Variants in APBA1 observed in about 807,000 individuals in gnomAD.
APBA1 encodes the protein amyloid-beta A4 precursor protein-binding family A member 1.
Under a neutral mutation model 86.6 loss-of-function variants are expected in APBA1, and 55 were observed. The ratio of observed to expected loss-of-function variants is 0.64; its 90% CI spans 0.51 to 0.80. The LOEUF (loss-of-function observed/expected upper bound fraction) is 0.80, where lower values mean the gene tolerates loss of function less well. APBA1 is among the 30% of genes least tolerant of loss of function. The pLI, the probability that APBA1 is intolerant of heterozygous loss-of-function variation, is 0.00. For synonymous variants in APBA1, 511 were observed against 493.9 expected, an observed-to-expected ratio of 1.03 and a Z score of -0.46; for missense variants, 1,090 against 1,183.0, an observed-to-expected ratio of 0.92 and a Z score of 1.15.
In APBA1 at chr9:69,431,169, G is replaced by A. The variant is rs151245849; in HGVS notation, c.*158C>T. The A allele has an allele frequency of 6.3e-4, 311 of 491,020 alleles. 1 individual carries two copies. The highest frequency in any genetic ancestry group is 4.0e-3 in the African/African-American group (198 of 49,804). 30.4% of individuals were successfully genotyped at this position (491,020 alleles called of 1,614,324 possible). On this transcript the variant is annotated 3_prime_UTR_variant, in exon 13 of 13. Transcript: ENST00000265381. ...AAAAAAAAAAAAAAAAAAGCAAATC[G>A]GAGAGAGTAAAGAGGTCCTTGTGGA...
rs576925945 is a variant in APBA1, at chr9:69,485,953, A to G, written c.1201-9810T>C. On this transcript the variant is annotated intron_variant, in intron 2 of 12. Transcript: ENST00000265381. ...AAGGCAAAGCTGATCATTCATTTTA[A>G]TTCTTTTTTTTTTTTGAGACAGAGT... is the stretch of plus-strand genomic sequence containing the variant. 1.3e-4 allele frequency among the ~76,000 whole-genome samples: 20 copies of G among 151,756 alleles called. 1 individual carries two copies. The South Asian group carries it at 4.2e-3, about 32-fold the overall frequency.
intron 1 of APBA1, among the ~76,000 whole-genome samples, chr9:69,545,219 T>G (rs1484763016): frequency 1.3e-5 from 2 of 152,214 alleles, no homozygotes; most frequent in African/African-American, 2.4e-5. Flanking sequence ...TGATAGATGA[T>G]GTGCTAGCCG....
At chr9:69,462,389 A>G (rs1424289192) in intron 5 of APBA1, 1 of 152,262 alleles carries the variant, frequency 6.6e-6, no homozygotes, top group South Asian at 2.1e-4. Context: ...GGTAGGCATG[A>G]GTCCCACGTT....
At chr9:69,604,087 T>A (rs1337036677) in intron 1 of APBA1, among the ~76,000 whole-genome samples, 1 of 152,230 alleles carries the variant, frequency 6.6e-6, no homozygotes, top group Non-Finnish European at 1.5e-5. Context: ...TACAAAGCAG[T>A]GTATAGTGAG....
intron 1 of APBA1, among the ~76,000 whole-genome samples, chr9:69,566,312 T>C (rs1468231291): frequency 1.3e-5 from 2 of 152,172 alleles, no homozygotes; most frequent in African/African-American, 4.8e-5. Context: ...CTGCAGCCCT[T>C]CACCACGCTG....
At chr9:69,527,578 G>T (rs1836364250) in intron 1 of APBA1, among the ~76,000 whole-genome samples, 1 of 152,092 alleles carries the variant, frequency 6.6e-6, no homozygotes, top group East Asian at 1.9e-4. Context: ...AGGGGTGGAG[G>T]AGGTAGATCT....
At chr9:69,582,887 A>T (rs886855391) in intron 1 of APBA1, among the ~76,000 whole-genome samples, 1 of 152,192 alleles carries the variant, frequency 6.6e-6, no homozygotes, top group African/African-American at 2.4e-5. Flanking sequence ...TTGTTGAGTG[A>T]GTGGATGAAT....
At chr9:69,648,052 A>G (rs1450470099) in intron 1 of APBA1, among the ~76,000 whole-genome samples, 1 of 152,168 alleles carries the variant, frequency 6.6e-6, no homozygotes, top group African/African-American at 2.4e-5. Flanking sequence ...TCAGAACTGG[A>G]AGGTACCTCG....
At chr9:69,670,777 G>A (rs963818897) in intron 1 of APBA1, among the ~76,000 whole-genome samples, 3 of 152,120 alleles carry the variant, frequency 2.0e-5, no homozygotes, top group Non-Finnish European at 4.4e-5. Flanking sequence ...CCCTACTAGT[G>A]GGCTCTATCA....
intron 2 of APBA1, among the ~76,000 whole-genome samples, chr9:69,476,346 G>A (rs1835446739): frequency 6.6e-6 from 1 of 152,168 alleles, no homozygotes; most frequent in African/African-American, 2.4e-5. Flanking sequence ...GTCCTGCCAT[G>A]CTTTCAAAGG....
intron 5 of APBA1, among the ~76,000 whole-genome samples, chr9:69,459,857 T>C (rs1835161273): frequency 6.6e-6 from 1 of 152,262 alleles, no homozygotes; most frequent in African/African-American, 2.4e-5. Context: ...TCATACATTC[T>C]AAGCACTATA....
chr9:69,573,637 G>T (rs565916658), intron 1 of APBA1, among the ~76,000 whole-genome samples: 1 of 152,242 alleles, frequency 6.6e-6, no homozygotes, highest in South Asian at 2.1e-4. Flanking sequence ...TACTCTAAAT[G>T]AACCCACTAA....
chr9:69,440,195 TG>T (rs1834789909), intron 11 of APBA1, among the ~76,000 whole-genome samples: 1 of 152,180 alleles, frequency 6.6e-6, no homozygotes. Flanking sequence ...CTGCTCCTAC[TG>T]GGGGGTGCCT....
chr9:69,636,396 G>A (rs898704851), intron 1 of APBA1, among the ~76,000 whole-genome samples: 1 of 152,112 alleles, frequency 6.6e-6, no homozygotes, highest in Admixed American at 6.6e-5. Flanking sequence ...CCACTGCTAG[G>A]TATATACTCC....
At chr9:69,550,758 G>T (rs1836770720) in intron 1 of APBA1, among the ~76,000 whole-genome samples, 1 of 152,192 alleles carries the variant, frequency 6.6e-6, no homozygotes, top group South Asian at 2.1e-4. Context: ...GGAGATGGGA[G>T]AGTGAGCATG....
At chr9:69,603,369 A>T (rs991504892) in intron 1 of APBA1, among the ~76,000 whole-genome samples, 1 of 152,220 alleles carries the variant, frequency 6.6e-6, no homozygotes, top group African/African-American at 2.4e-5. Context: ...ATGTGTGTAA[A>T]TCTTAGAAGC....
At chr9:69,530,589 C>T (rs534436589) in intron 1 of APBA1, among the ~76,000 whole-genome samples, 92 of 152,054 alleles carry the variant, frequency 6.1e-4, no homozygotes, top group African/African-American at 2.1e-3. Context: ...GTAAAGGTGA[C>T]GGTTGAAAAC....
At chr9:69,660,254 A>G (rs1429705548) in intron 1 of APBA1, among the ~76,000 whole-genome samples, 1 of 152,214 alleles carries the variant, frequency 6.6e-6, no homozygotes, top group African/African-American at 2.4e-5. Flanking sequence ...TCCTCAATAC[A>G]TGGTAGGGAA....
At chr9:69,648,702 C>A (rs917866205) in intron 1 of APBA1, among the ~76,000 whole-genome samples, 2 of 152,166 alleles carry the variant, frequency 1.3e-5, no homozygotes, top group African/African-American at 4.8e-5. Context: ...CACTCTAACT[C>A]CTGGTTCCCT....
Sources: gnomAD v4.1 joint callset for allele counts (sites outside exome capture counted in the v4.1 genomes callset) on GRCh38, gnomAD v4.1.1 for gene constraint, MANE v1.5 for transcripts, NCBI Gene and HGNC (gene_info 2026-07-23, HGNC 2026-07-21) for gene names.